TBC1D19: variants seen among roughly 807,000 people sequenced by gnomAD.
The protein encoded by TBC1D19 is TBC1 domain family member 19, also known as TBC1 domain family, member 19.
In TBC1D19, 60 loss-of-function variants were observed where a neutral mutation model predicts 89.0. The ratio of observed to expected loss-of-function variants is 0.67; its 90% confidence interval spans 0.55 to 0.84. The LOEUF (loss-of-function observed/expected upper bound fraction) is 0.84. Ranked by LOEUF, TBC1D19 falls within the 40% of genes least tolerant of loss-of-function variation. The pLI, the probability that TBC1D19 is intolerant of heterozygous loss-of-function variation, is 0.00. For missense variants in TBC1D19, 500 were observed against 610.8 expected, an observed-to-expected ratio of 0.82 and a Z score of 1.91; for synonymous variants, 189 against 199.7, an observed-to-expected ratio of 0.95 and a Z score of 0.45.
At chr4:26,833,373 CTA>C in the TBC1D19 span, among the ~76,000 whole-genome samples, 2 of 152,134 alleles carry the variant, frequency 1.3e-5, no homozygotes, top group African/African-American at 4.8e-5. Flanking sequence ...GTGTATATTT[CTA>C]TGAGTTTTGA....
At chr4:26,649,850 T>C (rs966982838) in intron 7 of TBC1D19, among the ~76,000 whole-genome samples, 2 of 152,168 alleles carry the variant, frequency 1.3e-5, no homozygotes, top group Non-Finnish European at 2.9e-5. Flanking sequence ...CTCCTAATGC[T>C]ATCCCTCCCC....
At chr4:26,705,011 A>G (rs182097784) in intron 13 of TBC1D19, among the ~76,000 whole-genome samples, 284 of 151,842 alleles carry the variant, frequency 1.9e-3, no homozygotes, top group African/African-American at 6.6e-3. Flanking sequence ...CATTTCCCTA[A>G]TGATTAATGA....
intron 7 of TBC1D19, among the ~76,000 whole-genome samples, chr4:26,651,864 C>T (rs1036365443): frequency 2.0e-5 from 3 of 152,026 alleles, no homozygotes; most frequent in African/African-American, 7.3e-5. Flanking sequence ...ATAGATAGCT[C>T]TTATTATTTT....
intron 1 of TBC1D19, among the ~76,000 whole-genome samples, chr4:26,593,777 A>G (rs1739997228): frequency 6.6e-6 from 1 of 152,224 alleles, no homozygotes; most frequent in Non-Finnish European, 1.5e-5. Context: ...ATGCAAATCA[A>G]AACCACAATG....
chr4:26,854,745 T>C, the TBC1D19 span, among the ~76,000 whole-genome samples: 4 of 93,434 alleles, frequency 4.3e-5, no homozygotes, highest in African/African-American at 1.2e-4. Context: ...TTTTTTTTTT[T>C]TCCTCTGGGG....
the TBC1D19 span, among the ~76,000 whole-genome samples, chr4:26,846,686 C>G: frequency 6.6e-6 from 1 of 152,162 alleles, no homozygotes; most frequent in Non-Finnish European, 1.5e-5. Context: ...CAAATTTTTG[C>G]ATTCAACACT....
At chr4:26,711,201 A>C (rs985051777) in intron 13 of TBC1D19, among the ~76,000 whole-genome samples, 2 of 152,112 alleles carry the variant, frequency 1.3e-5, no homozygotes, top group Admixed American at 6.6e-5. Context: ...TAATTTTTGC[A>C]TAAGGTGTAA....
At chr4:26,638,885 T>C (rs1240228757) in intron 6 of TBC1D19, 51 bp downstream of exon 6, 6 of 1,332,968 alleles carry the variant, frequency 4.5e-6, no homozygotes, top group Non-Finnish European at 5.3e-6. Flanking sequence ...AATTGCCTTC[T>C]TAACTGTGGA....
intron 4 of TBC1D19, among the ~76,000 whole-genome samples, chr4:26,633,853 T>G (rs1742952983): frequency 6.6e-6 from 1 of 152,182 alleles, no homozygotes; most frequent in Non-Finnish European, 1.5e-5. Flanking sequence ...TTTTGTTATC[T>G]TGACATTTTT....
At chr4:26,780,021 A>C in the TBC1D19 span, among the ~76,000 whole-genome samples, 1 of 152,170 alleles carries the variant, frequency 6.6e-6, no homozygotes, top group Non-Finnish European at 1.5e-5. Flanking sequence ...GGGCTAAGGA[A>C]TCCTCAACAG....
chr4:26,720,765 C>G (rs1716920224), intron 15 of TBC1D19, among the ~76,000 whole-genome samples: 1 of 152,064 alleles, frequency 6.6e-6, no homozygotes, highest in African/African-American at 2.4e-5. Context: ...ATCCAGCAGA[C>G]TTGGGTTCAG....
intron 2 of TBC1D19, 59 bp from the exon 3 acceptor site, chr4:26,614,344 TTGTAA>T (rs1479019076): frequency 8.6e-7 from 1 of 1,159,750 alleles, no homozygotes; most frequent in Non-Finnish European, 1.2e-6. Context: ...ATAAATTTAA[TTGTAA>T]TGTATGTTTA....
chr4:26,829,772 A>G, the TBC1D19 span, among the ~76,000 whole-genome samples: 45 of 152,216 alleles, frequency 3.0e-4, no homozygotes, highest in African/African-American at 1.0e-3. Flanking sequence ...ACCTGTTGCT[A>G]TGTTGAGTCC....
Position 26,740,684 on chromosome 4 carries a change from C to G in TBC1D19, c.1227+711C>G, listed in dbSNP as rs537290299. On this transcript the variant is annotated intron_variant, in intron 17 of 20. Transcript: ENST00000264866. The stretch of plus-strand genomic sequence containing the variant: ...CAGTATTTATTTTATTTCAGTTATG[C>G]TTTTTTTCCCCCTTTGGACCTGCTG... 20 of 985,104 alleles carry G rather than the reference C, an allele frequency of 2.0e-5. No individual in the cohort carries two copies. In the South Asian group the frequency reaches 8.5e-4, roughly 42 times the overall value. 61.0% of individuals were successfully genotyped at this position (985,104 alleles called of 1,614,324 possible). A position where few individuals can be genotyped will look rare whatever the true frequency, so the allele number is the denominator to read the frequency against.
In TBC1D19 at chr4:26,606,810, G is replaced by T. The variant is rs548750936; in HGVS notation, c.100-6359G>T. On this transcript the variant is annotated intron_variant, in intron 1 of 20. Transcript: ENST00000264866. ...GCAGGAAAGATGAGGTCTCTTTAGA[G>T]GGAATTAAAGGATCCTTGGATCCCT... Among the ~76,000 whole-genome samples, 29 of 152,276 alleles carry T rather than the reference G, an allele frequency of 1.9e-4. 1 individual carries two copies. The highest frequency in any genetic ancestry group is 6.3e-4 in the African/African-American group (26 of 41,542).
chr4:26,819,927 A>G, the TBC1D19 span, among the ~76,000 whole-genome samples: 2 of 152,118 alleles, frequency 1.3e-5, no homozygotes, highest in Non-Finnish European at 2.9e-5. Flanking sequence ...AGATATCAAC[A>G]TGACTTTCTT....
chr4:26,620,770 G>T (rs1741998298), intron 4 of TBC1D19, 82 bp downstream of exon 4: 1 of 1,230,702 alleles, frequency 8.1e-7, no homozygotes, highest in South Asian at 1.5e-5. Context: ...GATGTCAGGA[G>T]TATGTATTAT....
chr4:26,719,647 A>G (rs1716853123), intron 14 of TBC1D19, among the ~76,000 whole-genome samples: 1 of 152,138 alleles, frequency 6.6e-6, no homozygotes, highest in Non-Finnish European at 1.5e-5. Context: ...TTCAGAAAAT[A>G]TGACCACCAT....
chr4:26,685,140 A>G lies in TBC1D19; in HGVS notation c.891+1391A>G, dbSNP rs183007088. ...TGGTAGGAGCTATTAAAAATGTATA[A>G]AAATAATAAAACAGAAATGCTAAAA... On this transcript the variant is annotated intron_variant, in intron 12 of 20. Coordinates refer to ENST00000264866, the MANE Select transcript of TBC1D19 (RefSeq NM_018317.4). Among the ~76,000 whole-genome samples the G allele has an allele frequency of 1.1e-4, 17 of 152,326 alleles. No homozygotes were observed. The East Asian group carries it at 3.3e-3, about 29-fold the overall frequency.
Sources: allele counts gnomAD v4.1 joint callset (sites outside exome capture counted in the v4.1 genomes callset), GRCh38; gene constraint gnomAD v4.1.1; transcripts MANE v1.5; gene names NCBI Gene and HGNC (gene_info 2026-07-23, HGNC 2026-07-21).